The following GRIA4 variants were observed in gnomAD, a reference collection of about 807,000 sequenced individuals.
GRIA4 encodes the protein glutamate ionotropic receptor AMPA type subunit 4, also known as glutamate receptor 4.
GRIA4 carries 34 observed loss-of-function variants against 104.0 expected under a neutral mutation model. The ratio of observed to expected loss-of-function variants is 0.33; its 90% CI spans 0.25 to 0.44. The LOEUF is 0.44. GRIA4 is among the 20% of genes least tolerant of loss of function. The pLI is 1.00. For synonymous variants in GRIA4, 386 were observed against 381.9 expected, an observed-to-expected ratio of 1.01 and a Z score of -0.13; for missense variants, 750 against 1,096.5, an observed-to-expected ratio of 0.68 and a Z score of 4.46.
At chr11:105,895,645 G>C (rs184052144) in intron 6 of GRIA4, among the ~76,000 whole-genome samples, 77 of 152,012 alleles carry the variant, frequency 5.1e-4, no homozygotes, top group African/African-American at 1.8e-3. Context: ...GAGAGAGAGA[G>C]AGAGAGAAAA....
chr11:105,744,426 T>C (rs776478418), intron 3 of GRIA4, among the ~76,000 whole-genome samples: 8 of 152,172 alleles, frequency 5.3e-5, no homozygotes, highest in Non-Finnish European at 1.0e-4. Context: ...GAAACAGTTA[T>C]ATTCATATCG....
At chr11:105,964,109 T>A (rs1354249562) in intron 14 of GRIA4, among the ~76,000 whole-genome samples, 4 of 152,136 alleles carry the variant, frequency 2.6e-5, no homozygotes, top group African/African-American at 7.2e-5. Flanking sequence ...AGCAGAATTT[T>A]TAAAAAAATA....
intron 3 of GRIA4, among the ~76,000 whole-genome samples, chr11:105,693,720 A>C (rs909326786): frequency 6.6e-6 from 1 of 152,174 alleles, no homozygotes; most frequent in Non-Finnish European, 1.5e-5. Flanking sequence ...TTGACAGCAC[A>C]GTTGGGATTA....
intron 3 of GRIA4, among the ~76,000 whole-genome samples, chr11:105,651,047 A>G (rs1033204449): frequency 6.6e-6 from 1 of 152,162 alleles, no homozygotes; most frequent in Non-Finnish European, 1.5e-5. Context: ...CTATTTACAA[A>G]ATGAAATTTC....
intron 3 of GRIA4, among the ~76,000 whole-genome samples, chr11:105,718,433 T>G (rs1056482615): frequency 1.3e-4 from 20 of 152,214 alleles, no homozygotes; most frequent in African/African-American, 4.8e-4. Context: ...CCACCTCAGC[T>G]GTTGTGATGC....
chr11:105,622,903 T>C (rs1022752331), intron 3 of GRIA4, among the ~76,000 whole-genome samples: 4 of 151,850 alleles, frequency 2.6e-5, no homozygotes, highest in East Asian at 1.9e-4. Flanking sequence ...TGAGTACACA[T>C]TGCTTAGCTC....
At chr11:105,653,459 G>A (rs889110097) in intron 3 of GRIA4, among the ~76,000 whole-genome samples, 1 of 152,186 alleles carries the variant, frequency 6.6e-6, no homozygotes, top group African/African-American at 2.4e-5. Flanking sequence ...GATGGCTCAT[G>A]TCCCAGGCAT....
chr11:105,691,102 G>C (rs1252496533), intron 3 of GRIA4, among the ~76,000 whole-genome samples: 1 of 152,096 alleles, frequency 6.6e-6, no homozygotes, highest in Non-Finnish European at 1.5e-5. Context: ...AACATGTGTG[G>C]AGAAGGAAGC....
chr11:105,882,106 T>C (rs969850700), intron 5 of GRIA4, among the ~76,000 whole-genome samples: 1 of 152,200 alleles, frequency 6.6e-6, no homozygotes, highest in Non-Finnish European at 1.5e-5. Context: ...GGAATTTCTA[T>C]AGAAAAAGAA....
intron 3 of GRIA4, among the ~76,000 whole-genome samples, chr11:105,622,473 T>C (rs1217834696): frequency 6.6e-6 from 1 of 151,880 alleles, no homozygotes; most frequent in Non-Finnish European, 1.5e-5. Context: ...AATTCTGCTG[T>C]TTATCTTCTG....
intron 10 of GRIA4, 91 bp downstream of exon 10, chr11:105,910,636 C>A: frequency 4.2e-6 from 3 of 708,478 alleles, no homozygotes; most frequent in Non-Finnish European, 7.8e-6. Flanking sequence ...GCAAAGCTGA[C>A]TGTTAGCAAT....
intron 3 of GRIA4, among the ~76,000 whole-genome samples, chr11:105,717,816 C>G (rs1954149903): frequency 6.6e-6 from 1 of 150,662 alleles, no homozygotes; most frequent in South Asian, 2.1e-4. Flanking sequence ...CACCCACTAA[C>G]TCGTCATCTA....
At chr11:105,810,624 A>G (rs151114387) in intron 4 of GRIA4, among the ~76,000 whole-genome samples, 2,045 of 152,284 alleles carry the variant, frequency 0.013, 38 homozygotes, top group African/African-American at 0.046. Context: ...TTAGGGGGAA[A>G]AGAAAAGGAA....
intron 3 of GRIA4, among the ~76,000 whole-genome samples, chr11:105,692,083 T>C (rs974771900): frequency 4.6e-5 from 7 of 151,896 alleles, no homozygotes; most frequent in African/African-American, 1.7e-4. Flanking sequence ...AGTTCCAGGA[T>C]GTAACAGAAT....
At chr11:105,757,571 TG>T (rs1940387125) in intron 4 of GRIA4, among the ~76,000 whole-genome samples, 1 of 152,098 alleles carries the variant, frequency 6.6e-6, no homozygotes, top group South Asian at 2.1e-4. Context: ...GCGGTTCATT[TG>T]AAGGGTTAAA....
At chr11:105,924,182 T>C (rs3758796) in intron 11 of GRIA4, among the ~76,000 whole-genome samples, 4,402 of 152,276 alleles carry the variant, frequency 0.029, 159 homozygotes, top group East Asian at 0.16. Flanking sequence ...ATCTAATTAC[T>C]GGAACATATT....
intron 4 of GRIA4, among the ~76,000 whole-genome samples, chr11:105,802,511 G>T (rs903441086): frequency 4.6e-5 from 7 of 152,060 alleles, no homozygotes; most frequent in African/African-American, 1.4e-4. Flanking sequence ...ATGAAGAAAA[G>T]ATTTTGAAAT....
intron 9 of GRIA4, among the ~76,000 whole-genome samples, chr11:105,908,544 T>C (rs1483576422): frequency 6.6e-6 from 1 of 151,414 alleles, no homozygotes; most frequent in Non-Finnish European, 1.5e-5. Flanking sequence ...TACCATTAAT[T>C]GGTCCCATAT....
chr11:105,716,200 T>C (rs958701177), intron 3 of GRIA4, among the ~76,000 whole-genome samples: 2 of 152,114 alleles, frequency 1.3e-5, no homozygotes, highest in African/African-American at 4.8e-5. Flanking sequence ...TTGGAATGAA[T>C]TGAAGGATCC....
Sources: allele counts gnomAD v4.1 joint callset (sites outside exome capture counted in the v4.1 genomes callset), GRCh38; gene constraint gnomAD v4.1.1; transcripts MANE v1.5; gene names NCBI Gene and HGNC (gene_info 2026-07-23, HGNC 2026-07-21).